RAB30: variants seen among roughly 807,000 people sequenced by gnomAD.
RAB30 encodes the protein RAB30, member RAS oncogene family, also known as ras-related protein Rab-30.
Under a neutral mutation model 25.1 loss-of-function variants are expected in RAB30, and 9 were observed. The ratio of observed to expected loss-of-function variants is 0.36; its 90% CI spans 0.22 to 0.63. RAB30 has a LOEUF of 0.63. RAB30 is among the 20% of genes least tolerant of loss of function. RAB30 has a pLI of 0.69. For missense variants in RAB30, 140 were observed against 243.5 expected, an observed-to-expected ratio of 0.58 and a Z score of 2.83; for synonymous variants, 77 against 86.4, an observed-to-expected ratio of 0.89 and a Z score of 0.60.
chr11:83,044,980 T>A (rs1188334645), intron 1 of RAB30, among the ~76,000 whole-genome samples: 1 of 152,166 alleles, frequency 6.6e-6, no homozygotes, highest in Admixed American at 6.5e-5. Flanking sequence ...CAAAGAGAAT[T>A]TTACTGTATA....
rs3793985 is a variant in RAB30 at position 82,989,368 on chromosome 11, C to T, written c.178-1598G>A. 1.1e-3 allele frequency among the ~76,000 whole-genome samples: 160 copies of T among 152,286 alleles called. 1 individual carries two copies. The highest frequency in any genetic ancestry group is 5.0e-3 in the South Asian group (24 of 4,826). The stretch of plus-strand genomic sequence containing the variant: ...TAGCTAAAGAGACTGCTGAGTGACC[C>T]GTAGTCCCTGCCATGAATCAGCAGC... On this transcript the variant is annotated intron_variant, in intron 3 of 4. Transcript: ENST00000527633.
At chr11:83,000,036 A>G (rs12294498) in intron 1 of RAB30, among the ~76,000 whole-genome samples, 5,370 of 152,164 alleles carry the variant, frequency 0.035, 334 homozygotes, top group African/African-American at 0.12. Context: ...ATCTCATTCT[A>G]TATTATTAAG....
At position 82,974,875 on chromosome 11, in the gene RAB30, C is replaced by T. The variant is rs1856515170; in HGVS notation, c.*7290G>A. The T allele has an allele frequency of 6.6e-6, 1 of 151,484 alleles. No homozygotes were observed. Among genetic ancestry groups the T allele is most frequent in the Non-Finnish European group, 1.5e-5 (1 of 67,908 alleles). 9.4% of individuals were successfully genotyped at this position (151,484 alleles called of 1,614,324 possible). A position where few individuals can be genotyped will look rare whatever the true frequency, so the allele number is the denominator to read the frequency against. On this transcript the variant is annotated 3_prime_UTR_variant, in exon 5 of 5. Coordinates refer to ENST00000527633, the MANE Select transcript of RAB30 (RefSeq NM_001286060.2). ...CAAGATATATGGGGCACACTTTTCCCTTCAGATTATCAAAAACCTCTTTTT... is the reference window on the plus strand; with the variant it reads ...CAAGATATATGGGGCACACTTTTCCTTTCAGATTATCAAAAACCTCTTTTT...
intron 1 of RAB30, among the ~76,000 whole-genome samples, chr11:83,003,794 C>A (rs906305877): frequency 1.3e-5 from 2 of 151,476 alleles, no homozygotes; most frequent in African/African-American, 4.9e-5. Context: ...AAAAAAAAAA[C>A]AGCATCATAG....
chr11:83,048,616 T>C (rs1858285104), intron 1 of RAB30, among the ~76,000 whole-genome samples: 1 of 152,230 alleles, frequency 6.6e-6, no homozygotes, highest in Admixed American at 6.5e-5. Context: ...TAGGCAAACA[T>C]TGGCCCCTCT....
intron 1 of RAB30, among the ~76,000 whole-genome samples, chr11:83,004,868 T>C (rs1420833450): frequency 6.6e-6 from 1 of 152,250 alleles, no homozygotes; most frequent in African/African-American, 2.4e-5. Context: ...TCATCCATCT[T>C]TCCGCCTAAC....
rs60032268 is a variant in RAB30, at chr11:83,014,603, C to CAGAG, written c.-8-17283_-8-17280dup. Among the ~76,000 whole-genome samples, 50 of 134,746 alleles carry CAGAG rather than the reference C, an allele frequency of 3.7e-4. 2 individuals are homozygous for CAGAG. Among genetic ancestry groups the CAGAG allele is most frequent in the African/African-American group, 9.3e-4 (34 of 36,418 alleles). The allele number at this position is 134,746 out of a possible 152,430, so 88.4% of individuals were successfully genotyped here. ...AAGAAAAGAAAGAGAGAGGCAGAGG[C>CAGAG]AGAGAGAGACAAAGAAAGAAAGAAG... On this transcript the variant is annotated intron_variant, in intron 1 of 4. Transcript: ENST00000527633.
intron 1 of RAB30, among the ~76,000 whole-genome samples, chr11:83,003,549 A>G (rs1857129968): frequency 6.6e-6 from 1 of 152,018 alleles, no homozygotes; most frequent in Admixed American, 6.6e-5. Flanking sequence ...CAGCCTCCCC[A>G]GTAGCTGGGA....
chr11:82,982,869 AT>A (rs1177450515), intron 4 of RAB30, among the ~76,000 whole-genome samples: 1 of 152,140 alleles, frequency 6.6e-6, no homozygotes, highest in Non-Finnish European at 1.5e-5. Context: ...CTCAAAAAAA[AT>A]AAATAAATAA....
chr11:83,027,276 A>AT (rs1474773814), intron 1 of RAB30, among the ~76,000 whole-genome samples: 2 of 152,194 alleles, frequency 1.3e-5, no homozygotes, highest in Non-Finnish European at 2.9e-5. Context: ...AGCATTCCCC[A>AT]TAAAAAAAAA....
At chr11:83,002,383 C>A (rs1408127820) in intron 1 of RAB30, among the ~76,000 whole-genome samples, 1 of 152,156 alleles carries the variant, frequency 6.6e-6, no homozygotes, top group Non-Finnish European at 1.5e-5. Context: ...CATCATTCAT[C>A]CCTGTAACTA....
chr11:83,048,056 C>T (rs1268575235), intron 1 of RAB30, among the ~76,000 whole-genome samples: 1 of 152,080 alleles, frequency 6.6e-6, no homozygotes, highest in Non-Finnish European at 1.5e-5. Context: ...TTGGCCTTAG[C>T]AACATAGCAA....
chr11:83,038,463 G>C (rs1458377625), intron 1 of RAB30, among the ~76,000 whole-genome samples: 6 of 152,128 alleles, frequency 3.9e-5, no homozygotes, highest in Non-Finnish European at 4.4e-5. Flanking sequence ...TAGGGGGAAA[G>C]CAATGCCTAC....
chr11:83,055,448 T>C (rs1483779632), intron 1 of RAB30, among the ~76,000 whole-genome samples: 2 of 152,242 alleles, frequency 1.3e-5, no homozygotes, highest in African/African-American at 2.4e-5. Context: ...TCCCTTCCCC[T>C]GAGTTGCCCT....
At position 82,999,935 on chromosome 11, in the gene RAB30, C is replaced by A. The variant is rs548617356; in HGVS notation, c.-8-2611G>T. 8.6e-4 allele frequency among the ~76,000 whole-genome samples: 130 copies of A among 151,712 alleles called. No homozygotes were observed. In the South Asian group the frequency reaches 0.026, roughly 31 times the overall value. On this transcript the variant is annotated intron_variant, in intron 1 of 4. Coordinates refer to ENST00000527633, the MANE Select transcript of RAB30 (RefSeq NM_001286060.2). ...CTGGCCCCATCCTCAGCACCTCAGC[C>A]CTACACACATGTACACTCATGACTG...
intron 1 of RAB30, among the ~76,000 whole-genome samples, chr11:83,049,949 A>C (rs779466354): frequency 1.5e-4 from 23 of 152,130 alleles, no homozygotes; most frequent in Non-Finnish European, 2.9e-4. Context: ...TGGGGCCCAC[A>C]GTACCCTATA....
At chr11:83,001,046 CAAAAAAAA>C (rs1181057652) in intron 1 of RAB30, among the ~76,000 whole-genome samples, 7 of 53,638 alleles carry the variant, frequency 1.3e-4, no homozygotes, top group East Asian at 6.6e-4. Context: ...GACTCCGTCT[CAAAAAAAA>C]AAAAAAAAAA....
At chr11:82,997,740 C>G (rs938987123) in intron 1 of RAB30, among the ~76,000 whole-genome samples, 1 of 152,148 alleles carries the variant, frequency 6.6e-6, no homozygotes, top group Non-Finnish European at 1.5e-5. Flanking sequence ...ATGTGTATGA[C>G]TCTGGAAAGA....
intron 1 of RAB30, among the ~76,000 whole-genome samples, chr11:83,030,352 G>A (rs1381976133): frequency 6.6e-6 from 1 of 150,912 alleles, no homozygotes; most frequent in Admixed American, 6.6e-5. Flanking sequence ...AAAAAAATTA[G>A]TTGGGTGTGG....
Sources: gnomAD v4.1 joint callset for allele counts (sites outside exome capture counted in the v4.1 genomes callset) on GRCh38, gnomAD v4.1.1 for gene constraint, MANE v1.5 for transcripts, NCBI Gene and HGNC (gene_info 2026-07-23, HGNC 2026-07-21) for gene names.